CPE: variants seen among roughly 807,000 people sequenced by gnomAD.
The protein encoded by CPE is carbocypeptidase E.
In CPE, 17 loss-of-function variants were observed where a neutral mutation model predicts 53.5. The observed-to-expected ratio is 0.32, with a 90% confidence interval of 0.22 to 0.48. The LOEUF (loss-of-function observed/expected upper bound fraction) is 0.48, where lower values mean the gene tolerates loss of function less well. Among genes scored for constraint, CPE ranks in the 20% least tolerant of loss-of-function variants. The pLI, the probability that CPE is intolerant of heterozygous loss-of-function variation, is 0.99. For synonymous variants in CPE, 226 were observed against 228.8 expected (o/e 0.99, Z 0.11); for missense variants, 524 against 614.7 (o/e 0.85, Z 1.56).
Position 165,425,672 on chromosome 4 carries a change from A to C in CPE, c.308-38718A>C, listed in dbSNP as rs901624936. Among the ~76,000 whole-genome samples the C allele has an allele frequency of 5.3e-5, 8 of 149,820 alleles. No individual in the cohort carries two copies. The East Asian group carries it at 7.9e-4, about 15-fold the overall frequency. ...CAAATATTTCCTCAAAAAAAAAAAA[A>C]CACTTAATTCCAATAGAGTCCTAGA... On this transcript the variant is annotated intron_variant, in intron 1 of 8. Coordinates refer to ENST00000402744, the MANE Select transcript of CPE (RefSeq NM_001873.4).
chr4:165,400,006 A>G (rs1427069818), intron 1 of CPE, among the ~76,000 whole-genome samples: 1 of 152,248 alleles, frequency 6.6e-6, no homozygotes, highest in African/African-American at 2.4e-5. Flanking sequence ...TAGAGGAAGC[A>G]AAATCTTTAC....
intron 1 of CPE, among the ~76,000 whole-genome samples, chr4:165,432,749 C>A (rs1298934762): frequency 1.3e-5 from 2 of 152,106 alleles, no homozygotes; most frequent in Non-Finnish European, 2.9e-5. Flanking sequence ...TCCTGATCTG[C>A]CCCCACTCTC....
At chr4:165,457,425 C>T (rs1731920499) in intron 1 of CPE, among the ~76,000 whole-genome samples, 1 of 152,172 alleles carries the variant, frequency 6.6e-6, no homozygotes, top group Non-Finnish European at 1.5e-5. Flanking sequence ...AAAGTTAAGG[C>T]ATTGCTGCTA....
intron 2 of CPE, among the ~76,000 whole-genome samples, chr4:165,466,135 C>G (rs921166511): frequency 2.6e-5 from 4 of 152,134 alleles, no homozygotes; most frequent in Non-Finnish European, 5.9e-5. Flanking sequence ...CCTACATAAA[C>G]CTGCATGGTG....
At chr4:165,448,456 A>C (rs1731752405) in intron 1 of CPE, among the ~76,000 whole-genome samples, 1 of 152,128 alleles carries the variant, frequency 6.6e-6, no homozygotes, top group African/African-American at 2.4e-5. Context: ...CCATCTGCTG[A>C]GAAAGTCTTT....
chr4:165,414,392 A>G (rs1731088686), intron 1 of CPE, among the ~76,000 whole-genome samples: 1 of 152,340 alleles, frequency 6.6e-6, no homozygotes, highest in East Asian at 1.9e-4. Flanking sequence ...GTAAGTTTAT[A>G]GAGTCAGAGT....
chr4:165,464,595 C>G lies in CPE; in HGVS notation c.504+9C>G, dbSNP rs1233162505. Reference sequence around the variant, plus strand: ...AGAAGGCAGCGTCTCAGGTGAGTGCCAGGCAGCTCAGATCAGGCGTGCTTT... The same window carrying G: ...AGAAGGCAGCGTCTCAGGTGAGTGCGAGGCAGCTCAGATCAGGCGTGCTTT... On this transcript the variant is annotated intron_variant, in intron 2 of 8. Transcript: ENST00000402744. 1 of 1,598,536 alleles carries G rather than the reference C, an allele frequency of 6.3e-7. No homozygotes were observed. The highest frequency in any genetic ancestry group is 1.7e-5 in the Admixed American group (1 of 57,690).
intron 1 of CPE, among the ~76,000 whole-genome samples, chr4:165,424,751 G>T (rs1440001054): frequency 1.3e-5 from 2 of 151,678 alleles, no homozygotes; most frequent in Non-Finnish European, 2.9e-5. Flanking sequence ...AGCCAGGATG[G>T]TCTCGATCTC....
intron 1 of CPE, among the ~76,000 whole-genome samples, chr4:165,418,597 T>TA (rs1257937797): frequency 6.6e-6 from 1 of 152,188 alleles, no homozygotes; most frequent in African/African-American, 2.4e-5. Context: ...TTTGTTTACT[T>TA]AGAGATTGTG....
In CPE at chr4:165,497,798, T is replaced by C. The variant is rs943389176; in HGVS notation, c.*188T>C. On this transcript the variant is annotated 3_prime_UTR_variant, in exon 9 of 9. Coordinates refer to ENST00000402744, the MANE Select transcript of CPE (RefSeq NM_001873.4). ...AATATAAGAACTTGATATATTTCAT[T>C]CTCTTATATAGTATTCATTTTCCTA... The C allele has an allele frequency of 3.9e-5, 13 of 330,188 alleles. No individual in the cohort carries two copies. The highest frequency in any genetic ancestry group is 7.0e-5 in the Non-Finnish European group (13 of 185,664). The allele number at this position is 330,188 out of a possible 1,614,324, so 20.5% of individuals were successfully genotyped here. A position where few individuals can be genotyped will look rare whatever the true frequency, so the allele number is the denominator to read the frequency against.
intron 3 of CPE, among the ~76,000 whole-genome samples, chr4:165,478,186 T>C (rs917490950): frequency 1.3e-5 from 2 of 152,220 alleles, no homozygotes; most frequent in African/African-American, 4.8e-5. Flanking sequence ...GCTGTATTTA[T>C]AATCTTTAAA....
At chr4:165,442,023 G>GT (rs11415472) in intron 1 of CPE, among the ~76,000 whole-genome samples, 43,105 of 107,324 alleles carry the variant, frequency 0.4, 8,061 homozygotes, top group Middle Eastern at 0.5. Context: ...CGGTGAGTTT[G>GT]TTTTTTTTTT....
At chr4:165,388,607 A>G (rs9308104) in intron 1 of CPE, among the ~76,000 whole-genome samples, 37,678 of 152,170 alleles carry the variant, frequency 0.25, 4,903 homozygotes, top group East Asian at 0.41. Flanking sequence ...CTGTATAACC[A>G]GTGGATACAT....
At chr4:165,428,375 G>A (rs2126677911) in intron 1 of CPE, among the ~76,000 whole-genome samples, 1 of 152,220 alleles carries the variant, frequency 6.6e-6, no homozygotes, top group Admixed American at 6.5e-5. Context: ...CCTTGTCAAG[G>A]TTTAAGTACT....
At chr4:165,403,686 T>TA (rs59142474) in intron 1 of CPE, among the ~76,000 whole-genome samples, 3 of 150,586 alleles carry the variant, frequency 2.0e-5, no homozygotes, top group African/African-American at 5.0e-5. Context: ...TTTTTTTTTT[T>TA]ACAGAGTTTG....
Position 165,379,179 on chromosome 4 carries a change from C to T in CPE, c.-43C>T, listed in dbSNP as rs1730458904. The T allele has an allele frequency of 8.2e-7, 1 of 1,219,898 alleles. No homozygotes were observed. The highest frequency in any genetic ancestry group is 1.0e-6 in the Non-Finnish European group (1 of 981,646). The allele number at this position is 1,219,898 out of a possible 1,614,324, so 75.6% of individuals were successfully genotyped here. ...CCAGGGCCGGGCAGACAAAAGAGGCCGCCCGCGTAGGAAGGCACGGCCGGC... is the reference window on the plus strand; with the variant it reads ...CCAGGGCCGGGCAGACAAAAGAGGCTGCCCGCGTAGGAAGGCACGGCCGGC... On this transcript the variant is annotated 5_prime_UTR_variant, in exon 1 of 9. Coordinates refer to ENST00000402744, the MANE Select transcript of CPE (RefSeq NM_001873.4). The surrounding 1 kb of genome is among the most constrained non-coding windows in gnomAD (Gnocchi z 6.0).
intron 1 of CPE, among the ~76,000 whole-genome samples, chr4:165,383,740 G>T (rs373111563): frequency 1.2e-4 from 18 of 152,276 alleles, no homozygotes; most frequent in East Asian, 7.7e-4. Context: ...AATAAGTGGG[G>T]ATTTTTATTA....
intron 2 of CPE, among the ~76,000 whole-genome samples, chr4:165,464,823 T>C (rs1382171505): frequency 2.0e-5 from 3 of 152,214 alleles, no homozygotes; most frequent in African/African-American, 7.2e-5. Context: ...GAAGTTAATG[T>C]TCTAATAGTG....
At position 165,487,421 on chromosome 4, in the gene CPE, A is replaced by G. The variant is rs775906709; in HGVS notation, c.974-17A>G. 1.2e-6 allele frequency: 2 copies of G among 1,613,274 alleles called. No individual in the cohort carries two copies. Among genetic ancestry groups the G allele is most frequent in the African/African-American group, 2.7e-5 (2 of 74,994 alleles). On this transcript the variant is annotated splice_polypyrimidine_tract_variant and intron_variant, in intron 5 of 8. Transcript: ENST00000402744. The stretch of plus-strand genomic sequence containing the variant: ...CTCCTTGTGCATATTTTGACTTTCC[A>G]TTTGGTGTTTTGGCAGGGATGCAAG...
Sources: gnomAD v4.1 joint callset for allele counts (sites outside exome capture counted in the v4.1 genomes callset) on GRCh38, gnomAD v4.1.1 for gene constraint, Gnocchi (gnomAD v3.1) non-coding constraint, MANE v1.5 for transcripts, NCBI Gene and HGNC (gene_info 2026-07-23, HGNC 2026-07-21) for gene names.